The following RPS27A variants were observed in gnomAD, a reference collection of about 807,000 sequenced individuals.
The protein encoded by RPS27A is ribosomal protein S27a.
RPS27A carries 1 observed loss-of-function variant against 18.9 expected under a neutral mutation model. That is an observed-to-expected ratio of 0.05 (90% confidence interval 0.02 to 0.25). The LOEUF (loss-of-function observed/expected upper bound fraction) is 0.25. RPS27A is among the 10% of genes least tolerant of loss of function. RPS27A has a pLI of 1.00. For missense variants in RPS27A, 123 were observed against 187.4 expected, an observed-to-expected ratio of 0.66 and a Z score of 2.01; for synonymous variants, 77 against 63.7, an observed-to-expected ratio of 1.21 and a Z score of -0.99.
rs2104228840 is a variant in RPS27A at position 55,235,822 on chromosome 2, A to G, written c.*245A>G. On this transcript the variant is annotated 3_prime_UTR_variant, in exon 6 of 6. Coordinates refer to ENST00000272317, the MANE Select transcript of RPS27A (RefSeq NM_002954.6). ...CTTAGACTACCTATACTTTGGCAGA[A>G]GTTATATTTAATGTAAGTTGTCTAA... The G allele has an allele frequency of 1.8e-6, 1 of 547,130 alleles. No homozygotes were observed. Among genetic ancestry groups the G allele is most frequent in the Admixed American group, 3.1e-5 (1 of 32,182 alleles). 33.9% of individuals were successfully genotyped at this position (547,130 alleles called of 1,614,324 possible).
chr2:55,233,490 C>T (rs1028780646), intron 3 of RPS27A, 73 bp downstream of exon 3: 13 of 1,040,780 alleles, frequency 1.2e-5, no homozygotes, highest in African/African-American at 7.9e-5. Context: ...CTAGACATAC[C>T]TGCTCTTGGT....
chr2:55,235,050 A>G, intron 5 of RPS27A, 88 bp downstream of exon 5: 1 of 1,400,024 alleles, frequency 7.1e-7, no homozygotes. Context: ...ATTTTCTTGG[A>G]CTTAAACACC....
chr2:55,234,222 G>GCAGC lies in RPS27A; in HGVS notation c.189+20_189+23dup. The GCAGC allele has an allele frequency of 6.6e-7, 1 of 1,525,800 alleles. No homozygotes were observed. Among genetic ancestry groups the GCAGC allele is most frequent in the South Asian group, 1.1e-5 (1 of 89,264 alleles). 94.5% of individuals were successfully genotyped at this position (1,525,800 alleles called of 1,614,324 possible). The stretch of plus-strand genomic sequence containing the variant: ...TTCAAAAGGTCTGTCTAGGGGAAGA[G>GCAGC]CAGCCTCTTTTAAAAAAAAAATGTT... On this transcript the variant is annotated intron_variant, in intron 4 of 5. Transcript: ENST00000272317.
At position 55,233,968 on chromosome 2, in the gene RPS27A, A is replaced by G. The variant is rs552908829; in HGVS notation, c.104-151A>G. The stretch of plus-strand genomic sequence containing the variant: ...AATATTAAATGCGGTAAAATGTGAC[A>G]TGTAAAGATTTAGAACCATGCCTAA... On this transcript the variant is annotated intron_variant, in intron 3 of 5. Transcript: ENST00000272317. The G allele has an allele frequency of 3.3e-4, 231 of 700,360 alleles. 1 individual carries two copies. The South Asian group carries it at 3.5e-3, about 11-fold the overall frequency. The allele number at this position is 700,360 out of a possible 1,614,324, so 43.4% of individuals were successfully genotyped here. A position where few individuals can be genotyped will look rare whatever the true frequency, so the allele number is the denominator to read the frequency against.
intron 2 of RPS27A, 180 bp from the exon 3 acceptor site, chr2:55,233,183 G>A: frequency 1.4e-6 from 1 of 693,682 alleles, no homozygotes; most frequent in Non-Finnish European, 2.6e-6. Context: ...CTCTGGGCTG[G>A]GGAGATGAAG....
chr2:55,233,111 G>A lies in RPS27A; in HGVS notation c.48+239G>A, dbSNP rs955669287. 1.1e-5 allele frequency: 7 copies of A among 639,426 alleles called. No homozygotes were observed. The African/African-American group carries it at 1.1e-4, about 10-fold the overall frequency. The allele number at this position is 639,426 out of a possible 1,614,324, so 39.6% of individuals were successfully genotyped here. ...AGTTAGTTAAAACGGAGGAGCTGCG[G>A]TGGGGAAGGAGACGCTCTGCCCGCC... is the stretch of plus-strand genomic sequence containing the variant. On this transcript the variant is annotated intron_variant, in intron 2 of 5. Transcript: ENST00000272317.
chr2:55,233,300 T>C, intron 2 of RPS27A, 63 bp from the exon 3 acceptor site: 1 of 1,367,318 alleles, frequency 7.3e-7, no homozygotes, highest in South Asian at 1.2e-5. Context: ...ATTGTCAAAC[T>C]AAATGAGTTC....
intron 2 of RPS27A, 81 bp downstream of exon 2, chr2:55,232,953 G>C (rs1209032557): frequency 2.6e-6 from 3 of 1,147,528 alleles, no homozygotes; most frequent in South Asian, 2.6e-5. Flanking sequence ...TGCTTTCCAT[G>C]TCTTAGACCA....
chr2:55,233,185 G>A, intron 2 of RPS27A, 178 bp from the exon 3 acceptor site: 1 of 696,198 alleles, frequency 1.4e-6, no homozygotes, highest in Non-Finnish European at 2.6e-6. Flanking sequence ...CTGGGCTGGG[G>A]AGATGAAGGT....
chr2:55,235,108 A>G (rs1313120087), intron 5 of RPS27A, 146 bp downstream of exon 5: 8 of 919,812 alleles, frequency 8.7e-6, no homozygotes, highest in African/African-American at 1.7e-5. Context: ...GAAATGAGAA[A>G]TTCAGACTTT....
intron 3 of RPS27A, 63 bp from the exon 4 acceptor site, chr2:55,234,056 A>C (rs190381082): frequency 9.5e-7 from 1 of 1,047,708 alleles, no homozygotes; most frequent in Non-Finnish European, 1.5e-6. Flanking sequence ...GTGTTACCTT[A>C]TAAGTCTGGA....
intron 4 of RPS27A, 46 bp from the exon 5 acceptor site, chr2:55,234,785 A>C (rs759572127): frequency 6.2e-7 from 1 of 1,610,204 alleles, no homozygotes; most frequent in South Asian, 1.1e-5. Context: ...GGGTGTGCCC[A>C]TTCTTAGTGG....
chr2:55,233,285 T>G, intron 2 of RPS27A, 78 bp from the exon 3 acceptor site: 4 of 1,220,850 alleles, frequency 3.3e-6, no homozygotes, highest in Non-Finnish European at 4.8e-6. Context: ...TTCGGTTCAG[T>G]GGTAATTGTC....
rs943439092 is a variant in RPS27A, at chr2:55,234,816, T to C, written c.190-15T>C. On this transcript the variant is annotated splice_polypyrimidine_tract_variant and intron_variant, in intron 4 of 5. Transcript: ENST00000272317. ...AGTGGAATCATGAAAGCTTGCTTCA[T>C]TCTTCCATTAACAGGAGTCTACTCT... is the stretch of plus-strand genomic sequence containing the variant. 3 of 1,611,920 alleles carry C rather than the reference T, an allele frequency of 1.9e-6. No homozygotes were observed. Among genetic ancestry groups the C allele is most frequent in the Admixed American group, 1.7e-5 (1 of 60,018 alleles).
In RPS27A at chr2:55,232,704, C is replaced by T. The variant is rs1675528265; in HGVS notation, c.-22C>T. 2.2e-6 allele frequency: 2 copies of T among 892,104 alleles called. No homozygotes were observed. The highest frequency in any genetic ancestry group is 3.7e-6 in the Non-Finnish European group (2 of 546,476). The allele number at this position is 892,104 out of a possible 1,614,324, so 55.3% of individuals were successfully genotyped here. On this transcript the variant is annotated 5_prime_UTR_variant, in exon 1 of 6. Transcript: ENST00000272317. The stretch of plus-strand genomic sequence containing the variant: ...GCGTTCTTCCTTTTCGATCCGCCAT[C>T]TGCGGTGGGTGTCTGCACTTCGGCT...
intron 3 of RPS27A, chr2:55,233,658 TCTC>T (rs1675622814): frequency 1.9e-6 from 1 of 537,110 alleles, no homozygotes; most frequent in Non-Finnish European, 3.4e-6. Context: ...TGAGATGGAG[TCTC>T]CTCTGTCGCC....
intron 4 of RPS27A, chr2:55,234,620 C>T (rs560656417): frequency 1.6e-6 from 1 of 610,946 alleles, no homozygotes; most frequent in African/African-American, 1.8e-5. Flanking sequence ...ATGAATTTTG[C>T]AAGTTGTATC....
At chr2:55,233,997 C>G (rs967847922) in intron 3 of RPS27A, 122 bp from the exon 4 acceptor site, 1 of 760,114 alleles carries the variant, frequency 1.3e-6, no homozygotes, top group East Asian at 2.5e-5. Context: ...TGCCTAACCT[C>G]TAGTAAGGGC....
intron 2 of RPS27A, 194 bp from the exon 3 acceptor site, chr2:55,233,169 C>T (rs570436521): frequency 2.7e-5 from 18 of 662,946 alleles, no homozygotes; most frequent in South Asian, 2.4e-4. Context: ...GCGGCCGCCG[C>T]CCGCTCTGGG....
Sources: gnomAD v4.1 joint callset for allele counts on GRCh38, gnomAD v4.1.1 for gene constraint, MANE v1.5 for transcripts, NCBI Gene and HGNC (gene_info 2026-07-23, HGNC 2026-07-21) for gene names.